The following EIF2S1 variants were observed in gnomAD, a reference collection of about 807,000 sequenced individuals.
EIF2S1 encodes eukaryotic translation initiation factor 2 subunit 1.
EIF2S1 carries 5 observed loss-of-function variants against 33.5 expected under a neutral mutation model. That is an observed-to-expected ratio of 0.15 (90% CI 0.08 to 0.31). The LOEUF (loss-of-function observed/expected upper bound fraction) is 0.31, where lower values mean the gene tolerates loss of function less well. EIF2S1 is among the 10% of genes least tolerant of loss of function. The pLI is 1.00. For synonymous variants in EIF2S1, 99 were observed against 127.5 expected (o/e 0.78, Z 1.51); for missense variants, 191 against 384.6 (o/e 0.50, Z 4.21).
intron 2 of EIF2S1, among the ~76,000 whole-genome samples, chr14:67,373,598 G>A (rs1454090248): frequency 1.3e-5 from 2 of 152,202 alleles, no homozygotes; most frequent in African/African-American, 4.8e-5. Flanking sequence ...CATTGTACTG[G>A]AAGTCATTGC....
chr14:67,370,237 A>G (rs2094163), intron 2 of EIF2S1, among the ~76,000 whole-genome samples: 79,368 of 152,092 alleles, frequency 0.52, 23,877 homozygotes, highest in African/African-American at 0.83. Context: ...GGGCGTTAGG[A>G]CCATTATGGA....
In EIF2S1 at chr14:67,383,529, A is replaced by C; in HGVS notation, c.*89A>C. The stretch of plus-strand genomic sequence containing the variant: ...GACTTGAAAGTTTTCCAGTATTGAA[A>C]ACTTCAAAGCTGAATATTTTTTATT... On this transcript the variant is annotated 3_prime_UTR_variant, in exon 8 of 8. Coordinates refer to ENST00000256383, the MANE Select transcript of EIF2S1 (RefSeq NM_004094.5). 2 of 1,546,262 alleles carry C rather than the reference A, an allele frequency of 1.3e-6. No individual in the cohort carries two copies. The highest frequency in any genetic ancestry group is 1.8e-6 in the Non-Finnish European group (2 of 1,135,212).
At chr14:67,371,588 A>G (rs1388097685) in intron 2 of EIF2S1, among the ~76,000 whole-genome samples, 2 of 152,198 alleles carry the variant, frequency 1.3e-5, no homozygotes, top group Non-Finnish European at 2.9e-5. Context: ...AGTATACTCT[A>G]TTATTCCTAG....
Position 67,383,986 on chromosome 14 carries a change from G to A in EIF2S1, c.*546G>A, listed in dbSNP as rs1285759003. The A allele has an allele frequency of 2.5e-5, 4 of 158,718 alleles. No homozygotes were observed. The highest frequency in any genetic ancestry group is 2.5e-4 in the Admixed American group (4 of 16,292). The allele number at this position is 158,718 out of a possible 1,614,324, so 9.8% of individuals were successfully genotyped here. A position where few individuals can be genotyped will look rare whatever the true frequency, so the allele number is the denominator to read the frequency against. ...AGGTGAATAAAGGATCTCTATAACA[G>A]ATCCTTTCAAAAGAAGAGTTTTAGA... On this transcript the variant is annotated 3_prime_UTR_variant, in exon 8 of 8. Transcript: ENST00000256383.
intron 2 of EIF2S1, among the ~76,000 whole-genome samples, chr14:67,367,436 G>A (rs575342257): frequency 1.2e-4 from 18 of 151,468 alleles, no homozygotes; most frequent in East Asian, 9.8e-4. Flanking sequence ...TCACCATGTT[G>A]GCCAGAATGG....
intron 4 of EIF2S1, among the ~76,000 whole-genome samples, chr14:67,377,413 C>T (rs138810637): frequency 1.8e-4 from 28 of 152,258 alleles, no homozygotes; most frequent in South Asian, 8.3e-4. Context: ...AGCTTTTCCA[C>T]GTTCTTCCTC....
intron 2 of EIF2S1, among the ~76,000 whole-genome samples, chr14:67,368,695 AAAGGTT>A (rs2085797932): frequency 6.6e-6 from 1 of 151,226 alleles, no homozygotes; most frequent in Non-Finnish European, 1.5e-5. Flanking sequence ...AGTAAAATTA[AAAGGTT>A]AAGGATGTAT....
intron 2 of EIF2S1, among the ~76,000 whole-genome samples, chr14:67,367,613 C>T (rs1268909194): frequency 7.3e-6 from 1 of 137,514 alleles, no homozygotes; most frequent in Non-Finnish European, 1.5e-5. Context: ...ACGGTGGGCA[C>T]GTTGCGTGAA....
Position 67,385,436 on chromosome 14 carries a change from T to C in EIF2S1, c.*1996T>C, listed in dbSNP as rs2085915913. ...GCCTGGGTGACAGGGCAAGACCCTG[T>C]CTCAAAAAAAAAAAAAAAAACCAAA... On this transcript the variant is annotated 3_prime_UTR_variant, in exon 8 of 8. Transcript: ENST00000256383. 1 of 120,436 alleles carries C rather than the reference T, an allele frequency of 8.3e-6. No individual in the cohort carries two copies. The highest frequency in any genetic ancestry group is 1.6e-5 in the Non-Finnish European group (1 of 64,308). The allele number at this position is 120,436 out of a possible 1,614,324, so 7.5% of individuals were successfully genotyped here. A position where few individuals can be genotyped will look rare whatever the true frequency, so the allele number is the denominator to read the frequency against.
In EIF2S1 at chr14:67,384,383, A is replaced by ATGTT. The variant is rs1351572498; in HGVS notation, c.*945_*948dup. 2 of 149,044 alleles carry ATGTT rather than the reference A, an allele frequency of 1.3e-5. No homozygotes were observed. The highest frequency in any genetic ancestry group is 5.0e-5 in the African/African-American group (2 of 40,112). 9.2% of individuals were successfully genotyped at this position (149,044 alleles called of 1,614,324 possible). On this transcript the variant is annotated 3_prime_UTR_variant, in exon 8 of 8. Transcript: ENST00000256383. ...CTTACTGTTGTTTTTTTTTTTTTAC[A>ATGTT]TGTTTCCATCATTTCTGTCTTTAAG...
At chr14:67,363,556 A>G (rs1474100425) in intron 1 of EIF2S1, among the ~76,000 whole-genome samples, 1 of 152,330 alleles carries the variant, frequency 6.6e-6, no homozygotes, top group East Asian at 1.9e-4. Context: ...TCCAGACTTC[A>G]TGGATTCAAA....
intron 7 of EIF2S1, among the ~76,000 whole-genome samples, chr14:67,382,908 CGTGT>C (rs58119639): frequency 2.9e-4 from 42 of 144,202 alleles, no homozygotes; most frequent in Middle Eastern, 3.6e-3. Flanking sequence ...TGCGTGCGTG[CGTGT>C]GTGTGTGTGT....
chr14:67,364,196 T>C (rs539658611), intron 1 of EIF2S1: 2 of 152,334 alleles, frequency 1.3e-5, no homozygotes, highest in South Asian at 4.1e-4. Flanking sequence ...GGATGCATTT[T>C]AGTTTATTTT....
At chr14:67,362,731 G>A (rs2085751161) in intron 1 of EIF2S1, among the ~76,000 whole-genome samples, 1 of 151,924 alleles carries the variant, frequency 6.6e-6, no homozygotes, top group African/African-American at 2.4e-5. Flanking sequence ...TCGATATTGC[G>A]GAATGATTTT....
intron 1 of EIF2S1, among the ~76,000 whole-genome samples, chr14:67,362,294 A>G (rs1395356741): frequency 6.6e-6 from 1 of 152,084 alleles, no homozygotes; most frequent in Non-Finnish European, 1.5e-5. Flanking sequence ...TGCTGGGATT[A>G]CAGGTGTGAG....
At chr14:67,371,367 C>T (rs998833437) in intron 2 of EIF2S1, among the ~76,000 whole-genome samples, 1 of 151,818 alleles carries the variant, frequency 6.6e-6, no homozygotes, top group African/African-American at 2.4e-5. Flanking sequence ...CTGTAGTGAG[C>T]TGTGATCACA....
chr14:67,376,345 T>C (rs2085857740), intron 3 of EIF2S1, 94 bp from the exon 4 acceptor site: 2 of 1,231,438 alleles, frequency 1.6e-6, no homozygotes, highest in Non-Finnish European at 2.2e-6. Context: ...GTTAAGGAAT[T>C]ATTGTAGCCA....
intron 5 of EIF2S1, 28 bp downstream of exon 5, chr14:67,380,793 A>G: frequency 7.6e-7 from 1 of 1,322,774 alleles, no homozygotes; most frequent in Non-Finnish European, 1.0e-6. Context: ...TGATTTTTAC[A>G]GTATTTTGCA....
At chr14:67,361,600 T>G (rs2085741717) in intron 1 of EIF2S1, among the ~76,000 whole-genome samples, 1 of 152,258 alleles carries the variant, frequency 6.6e-6, no homozygotes, top group East Asian at 1.9e-4. Context: ...ATATCCATTA[T>G]AGCAGTTTGA....
Sources: gnomAD v4.1 joint callset for allele counts (sites outside exome capture counted in the v4.1 genomes callset) on GRCh38, gnomAD v4.1.1 for gene constraint, MANE v1.5 for transcripts, NCBI Gene and HGNC (gene_info 2026-07-23, HGNC 2026-07-21) for gene names.